Variants in PCDH15 observed in about 807,000 individuals in gnomAD.
PCDH15 encodes the protein protocadherin related 15.
In PCDH15, 129 loss-of-function variants were observed where a neutral mutation model predicts 178.5. The ratio of observed to expected loss-of-function variants is 0.72; its 90% CI spans 0.63 to 0.84. The LOEUF (loss-of-function observed/expected upper bound fraction) is 0.84. Ranked by LOEUF, PCDH15 falls within the 40% of genes least tolerant of loss-of-function variation. The pLI is 0.00. For missense variants in PCDH15, 2,230 were observed against 2,099.9 expected (o/e 1.06, Z -1.21); for synonymous variants, 800 against 732.0 (o/e 1.09, Z -1.50).
chr10:53,889,881 A>C (rs2081431092), intron 26 of PCDH15, among the ~76,000 whole-genome samples: 1 of 152,228 alleles, frequency 6.6e-6, no homozygotes, highest in Admixed American at 6.5e-5. Context: ...ATCTAAACAA[A>C]AAATACAATT....
chr10:54,529,368 G>A (rs189880880), intron 2 of PCDH15, among the ~76,000 whole-genome samples: 24 of 152,020 alleles, frequency 1.6e-4, no homozygotes, highest in African/African-American at 4.8e-4. Context: ...TAGTTTCCTC[G>A]CTGATCTCCC....
intron 5 of PCDH15, among the ~76,000 whole-genome samples, chr10:54,350,018 T>C (rs563263056): frequency 7.8e-4 from 119 of 152,172 alleles, no homozygotes; most frequent in African/African-American, 2.7e-3. Context: ...GAATAGAAAA[T>C]AAAAGAGAAA....
chr10:54,242,179 TATATATATACAC>T (rs1365842085), intron 8 of PCDH15, among the ~76,000 whole-genome samples: 19 of 82,392 alleles, frequency 2.3e-4, no homozygotes, highest in African/African-American at 7.4e-4. Context: ...TATATATATA[TATATATATACAC>T]ACACACACAT....
In PCDH15 at chr10:53,857,199, TC is replaced by T; in HGVS notation, c.3781del (p.Glu1261LysfsTer4). ...CTCTGTAAGATCTTCTATCTTTTTT[TC>T]CACTAGAGTAGGAGGCACATTGGAA... Reference protein sequence around the residue: ...IVSNVPPTLVEKKIEDLTEIL... With the variant: ...IVSNVPPTLVXKKIEDLTEIL... On this transcript the variant is annotated frameshift_variant, in exon 28 of 38. Transcript: ENST00000644397. LOFTEE classifies it high-confidence loss of function. The T allele has an allele frequency of 6.2e-7, 1 of 1,607,792 alleles. No homozygotes were observed. The highest frequency in any genetic ancestry group is 2.2e-5 in the East Asian group (1 of 44,812).
intron 3 of PCDH15, among the ~76,000 whole-genome samples, chr10:54,823,769 A>T (rs1453068108): frequency 6.6e-6 from 1 of 152,142 alleles, no homozygotes; most frequent in East Asian, 1.9e-4. Flanking sequence ...ATGTAATTTT[A>T]AAATTAGAAA....
At chr10:53,878,382 T>C (rs1005218009) in intron 26 of PCDH15, among the ~76,000 whole-genome samples, 1 of 145,814 alleles carries the variant, frequency 6.9e-6, no homozygotes, top group African/African-American at 2.5e-5. Flanking sequence ...ATTCTATATA[T>C]AGTCTATATA....
chr10:54,522,761 CTGAT>C (rs1358516848), intron 3 of PCDH15, among the ~76,000 whole-genome samples: 3 of 152,120 alleles, frequency 2.0e-5, no homozygotes, highest in Admixed American at 6.6e-5. Flanking sequence ...AATGAAATGA[CTGAT>C]TGAACAACAA....
intron 2 of PCDH15, among the ~76,000 whole-genome samples, chr10:55,357,103 T>C (rs1845099426): frequency 6.6e-6 from 1 of 151,950 alleles, no homozygotes; most frequent in South Asian, 2.1e-4. Flanking sequence ...CAAGTACAAA[T>C]GTGTAAAAAT....
At chr10:54,655,900 T>A (rs2384517) in intron 2 of PCDH15, 1 of 152,286 alleles carries the variant, frequency 6.6e-6, no homozygotes, top group Non-Finnish European at 1.5e-5. Context: ...AAAAAATTAT[T>A]GGAGTTAACA....
At chr10:54,193,107 G>T (rs1010967563) in intron 11 of PCDH15, among the ~76,000 whole-genome samples, 1 of 152,132 alleles carries the variant, frequency 6.6e-6, no homozygotes, top group Non-Finnish European at 1.5e-5. Flanking sequence ...ACATCTCCAA[G>T]AGTTGAATTA....
chr10:55,095,959 G>T (rs1842440923), intron 2 of PCDH15, among the ~76,000 whole-genome samples: 1 of 151,962 alleles, frequency 6.6e-6, no homozygotes, highest in African/African-American at 2.4e-5. Context: ...CTAGATAATA[G>T]GATCATGTAC....
intron 6 of PCDH15, among the ~76,000 whole-genome samples, chr10:54,330,236 G>A (rs147451708): frequency 0.012 from 1,861 of 151,880 alleles, 18 homozygotes; most frequent in Non-Finnish European, 0.02. Flanking sequence ...GTTGTTAGGT[G>A]ATTTTTGTCA....
chr10:54,450,497 C>T (rs542509618), intron 3 of PCDH15, among the ~76,000 whole-genome samples: 31 of 151,650 alleles, frequency 2.0e-4, no homozygotes, highest in African/African-American at 5.6e-4. Context: ...TATCTTCTTA[C>T]GGCTTCTTGG....
intron 3 of PCDH15, among the ~76,000 whole-genome samples, chr10:54,436,400 A>G (rs546467451): frequency 2.0e-5 from 3 of 152,164 alleles, no homozygotes; most frequent in Non-Finnish European, 4.4e-5. Context: ...ATCAGATAAA[A>G]TATGTTATTA....
intron 2 of PCDH15, among the ~76,000 whole-genome samples, chr10:55,071,993 G>T (rs1841759072): frequency 6.6e-6 from 1 of 150,706 alleles, no homozygotes; most frequent in Non-Finnish European, 1.5e-5. Flanking sequence ...GCTCCTGAAT[G>T]ACTACTGGGT....
intron 2 of PCDH15, among the ~76,000 whole-genome samples, chr10:55,087,168 G>A (rs1376739575): frequency 2.6e-5 from 4 of 152,080 alleles, no homozygotes; most frequent in African/African-American, 9.7e-5. Flanking sequence ...ATATGGTGTG[G>A]AGAGACTTTA....
chr10:55,037,305 C>A (rs2131972944), intron 2 of PCDH15, among the ~76,000 whole-genome samples: 1 of 152,078 alleles, frequency 6.6e-6, no homozygotes, highest in Admixed American at 6.5e-5. Flanking sequence ...GTGATCTCGG[C>A]TCACTGCAAC....
At chr10:53,808,319 AGT>A (rs145527249) in intron 37 of PCDH15, 41,829 of 205,284 alleles carry the variant, frequency 0.2, 2,365 homozygotes, top group East Asian at 0.57. Flanking sequence ...AAACATATAT[AGT>A]GTGTGTGTGT....
At chr10:54,994,629 T>G (rs981784346) in intron 2 of PCDH15, among the ~76,000 whole-genome samples, 1 of 152,142 alleles carries the variant, frequency 6.6e-6, no homozygotes, top group Admixed American at 6.6e-5. Flanking sequence ...CATAAAAGAT[T>G]AGTATCTTTG....
Sources: gnomAD v4.1 joint callset for allele counts (sites outside exome capture counted in the v4.1 genomes callset) on GRCh38, gnomAD v4.1.1 for gene constraint, MANE v1.5 for transcripts, NCBI Gene and HGNC (gene_info 2026-07-23, HGNC 2026-07-21) for gene names.